The following LMLN variants were observed in gnomAD, a reference collection of about 807,000 sequenced individuals.
LMLN encodes the protein leishmanolysin like peptidase, also known as leishmanolysin-like peptidase.
In LMLN, 70 loss-of-function variants were observed where a neutral mutation model predicts 92.3. The ratio of observed to expected loss-of-function variants is 0.76; its 90% confidence interval spans 0.63 to 0.92. LMLN has a LOEUF of 0.92. Among genes scored for constraint, LMLN ranks in the 40% least tolerant of loss-of-function variants. The probability of loss-of-function intolerance (pLI) is 0.00; values close to 1 mark genes in which losing one functional copy is unlikely to be tolerated. For missense variants in LMLN, 691 were observed against 814.6 expected (o/e 0.85, Z 1.85); for synonymous variants, 308 against 296.2 (o/e 1.04, Z -0.41).
chr3:198,022,329 A>G (rs547898763), intron 13 of LMLN, among the ~76,000 whole-genome samples: 2 of 152,272 alleles, frequency 1.3e-5, no homozygotes, highest in Non-Finnish European at 2.9e-5. Flanking sequence ...CATACTAATT[A>G]CCTTTGTAAA....
intron 11 of LMLN, among the ~76,000 whole-genome samples, chr3:198,009,710 A>G (rs1383554125): frequency 3.9e-5 from 6 of 152,218 alleles, no homozygotes; most frequent in African/African-American, 1.2e-4. Flanking sequence ...TTGTGGTAAC[A>G]TGTTTTTTAA....
chr3:197,981,113 G>T (rs570638086), intron 6 of LMLN, among the ~76,000 whole-genome samples: 1 of 147,186 alleles, frequency 6.8e-6, no homozygotes, highest in South Asian at 2.2e-4. Context: ...TCACAAAAAA[G>T]AAAAAACAAA....
At chr3:198,027,468 C>T (rs2109946584) in intron 14 of LMLN, among the ~76,000 whole-genome samples, 1 of 152,216 alleles carries the variant, frequency 6.6e-6, no homozygotes, top group East Asian at 1.9e-4. Context: ...TGCACATTGC[C>T]ACCGAGCGTC....
At chr3:198,034,800 A>C (rs1723167425) in intron 14 of LMLN, among the ~76,000 whole-genome samples, 1 of 152,226 alleles carries the variant, frequency 6.6e-6, no homozygotes, top group East Asian at 1.9e-4. Context: ...ATTTAGGGTT[A>C]GGGAGAAAGA....
chr3:198,019,132 T>G lies in LMLN; in HGVS notation c.1233-121T>G. Reference sequence around the variant, plus strand: ...CTCCATCTCTTTCCAAGAATCCCATTTGTTAATTATGAAGGTTTGTATTTT... The same window carrying G: ...CTCCATCTCTTTCCAAGAATCCCATGTGTTAATTATGAAGGTTTGTATTTT... On this transcript the variant is annotated intron_variant, in intron 11 of 15. Transcript: ENST00000330198. This position sits in a 1 kb window ranked among gnomAD's most constrained non-coding sequence, Gnocchi z 5.5. 2 of 948,600 alleles carry G rather than the reference T, an allele frequency of 2.1e-6. No homozygotes were observed. Among genetic ancestry groups the G allele is most frequent in the Non-Finnish European group, 3.1e-6 (2 of 648,226 alleles). 58.8% of individuals were successfully genotyped at this position (948,600 alleles called of 1,614,324 possible).
intron 11 of LMLN, among the ~76,000 whole-genome samples, chr3:198,017,701 G>T (rs1387707347): frequency 6.6e-6 from 1 of 152,044 alleles, no homozygotes; most frequent in South Asian, 2.1e-4. Context: ...GGCAGATCAC[G>T]AGGTCCAGAG....
At chr3:198,013,553 T>C (rs1377631962) in intron 11 of LMLN, among the ~76,000 whole-genome samples, 1 of 130,284 alleles carries the variant, frequency 7.7e-6, no homozygotes, top group Non-Finnish European at 1.6e-5. Flanking sequence ...CAAAGCCTCC[T>C]AACTAGTCTG....
At chr3:197,971,456 C>T (rs961972111) in intron 1 of LMLN, among the ~76,000 whole-genome samples, 1 of 152,194 alleles carries the variant, frequency 6.6e-6, no homozygotes, top group Non-Finnish European at 1.5e-5. Context: ...TGTGGGATTA[C>T]AATTTAAGAT....
chr3:197,986,737 A>G (rs1422968865), intron 8 of LMLN, among the ~76,000 whole-genome samples: 2 of 152,222 alleles, frequency 1.3e-5, no homozygotes, highest in African/African-American at 4.8e-5. Flanking sequence ...ATAACGTGAT[A>G]ACAAATACAA....
At chr3:198,033,115 A>G (rs1479882903) in intron 14 of LMLN, among the ~76,000 whole-genome samples, 1 of 152,140 alleles carries the variant, frequency 6.6e-6, no homozygotes, top group Non-Finnish European at 1.5e-5. Context: ...GAATTCCACA[A>G]TGAGAATACT....
At position 198,024,842 on chromosome 3, in the gene LMLN, T is replaced by C. The variant is rs1016031554; in HGVS notation, c.1656+54T>C. 20 of 1,430,682 alleles carry C rather than the reference T, an allele frequency of 1.4e-5. No homozygotes were observed. The Admixed American group carries it at 2.1e-4, about 15-fold the overall frequency. 88.6% of individuals were successfully genotyped at this position (1,430,682 alleles called of 1,614,324 possible). On this transcript the variant is annotated intron_variant, in intron 14 of 15. Transcript: ENST00000330198. ...CAAATATTATGTGATTTTATCTCTTTTATGGTTTTGTATTTTAAATTATAT... is the reference window on the plus strand; with the variant it reads ...CAAATATTATGTGATTTTATCTCTTCTATGGTTTTGTATTTTAAATTATAT...
At chr3:197,990,314 C>T (rs1483124497) in intron 8 of LMLN, among the ~76,000 whole-genome samples, 2 of 152,022 alleles carry the variant, frequency 1.3e-5, no homozygotes, top group Non-Finnish European at 2.9e-5. Context: ...CTTCCCACCT[C>T]GGCCTGCTGA....
At chr3:197,977,965 A>G (rs1414563120) in intron 5 of LMLN, among the ~76,000 whole-genome samples, 2 of 152,200 alleles carry the variant, frequency 1.3e-5, no homozygotes, top group African/African-American at 4.8e-5. Context: ...ATACATATAA[A>G]AATTATCAAA....
intron 14 of LMLN, among the ~76,000 whole-genome samples, chr3:198,029,647 CG>C (rs1560156481): frequency 6.6e-6 from 1 of 151,846 alleles, no homozygotes; most frequent in African/African-American, 2.4e-5. Context: ...CACTCCAGCC[CG>C]GGCAATGGAG....
chr3:197,972,673 G>A (rs1281960910), intron 1 of LMLN, among the ~76,000 whole-genome samples: 1 of 151,336 alleles, frequency 6.6e-6, no homozygotes, highest in African/African-American at 2.4e-5. Context: ...ATATTGTAAA[G>A]TCTGGATTCT....
In LMLN at chr3:197,999,332, G is replaced by A. The variant is rs1021170936; in HGVS notation, c.1222G>A (p.Glu408Lys). The A allele has an allele frequency of 2.5e-6, 4 of 1,607,134 alleles. No homozygotes were observed. Among genetic ancestry groups the A allele is most frequent in the Non-Finnish European group, 3.4e-6 (4 of 1,173,690 alleles). Reference sequence around the variant, plus strand: ...CTCTCGAATCACTCTGGCATTAATGGAGGACACTGGGTAAGACAGCTGTGA... The same window carrying A: ...CTCTCGAATCACTCTGGCATTAATGAAGGACACTGGGTAAGACAGCTGTGA... The change falls in exon 11 of 16, where the codon GAG becomes AAG. Residue 408 changes from glutamate to lysine, a missense_variant. Physicochemically the swap from Glu to Lys is moderately conservative, Grantham distance 56 (BLOSUM62 1). This residue lies in a region of LMLN where 352 missense variants were observed against 443.6 expected (regional missense o/e 0.79). Transcript: ENST00000330198.
At chr3:198,039,018 A>G (rs1723321935) in exon 16 of LMLN, 2 of 235,812 alleles carry the variant, frequency 8.5e-6, no homozygotes, top group African/African-American at 2.3e-5. Flanking sequence ...CAGCAACCCA[A>G]CCACCTCATC....
chr3:198,034,976 C>T (rs1314619674), intron 14 of LMLN, among the ~76,000 whole-genome samples: 4 of 152,176 alleles, frequency 2.6e-5, no homozygotes, highest in African/African-American at 9.7e-5. Context: ...GGGTGGATAA[C>T]TTGAGTCCGG....
chr3:198,021,457 A>C, exon 13 of LMLN: 1 of 1,613,938 alleles, frequency 6.2e-7, no homozygotes, highest in Non-Finnish European at 8.5e-7. Flanking sequence ...ACTTTGATGA[A>C]CTCAGTGGAA....
Sources: allele counts gnomAD v4.1 joint callset (sites outside exome capture counted in the v4.1 genomes callset), GRCh38; gene constraint gnomAD v4.1.1; regional missense constraint gnomAD v4.1.1; non-coding constraint Gnocchi (gnomAD v3.1); transcripts MANE v1.5; gene names NCBI Gene and HGNC (gene_info 2026-07-23, HGNC 2026-07-21).